The following STPG1 variants were observed in gnomAD, a reference collection of about 807,000 sequenced individuals.
STPG1 encodes O(6)-methylguanine-induced apoptosis 2.
Under a neutral mutation model 40.1 loss-of-function variants are expected in STPG1, and 33 were observed. The ratio of observed to expected loss-of-function variants is 0.82; its 90% CI spans 0.62 to 1.10. The LOEUF (loss-of-function observed/expected upper bound fraction) is 1.10. Among genes scored for constraint, STPG1 ranks in the 50% least tolerant of loss-of-function variants. STPG1 has a pLI of 0.00. For missense variants in STPG1, 396 were observed against 415.1 expected (o/e 0.95, Z 0.40); for synonymous variants, 150 against 155.0 (o/e 0.97, Z 0.24).
chr1:24,392,354 C>A (rs1642808697), intron 2 of STPG1, among the ~76,000 whole-genome samples: 1 of 152,230 alleles, frequency 6.6e-6, no homozygotes, highest in African/African-American at 2.4e-5. Context: ...GTCTGCATAG[C>A]AGGTTGATTA....
At chr1:24,382,257 G>T (rs1183800729) in intron 4 of STPG1, among the ~76,000 whole-genome samples, 1 of 152,210 alleles carries the variant, frequency 6.6e-6, no homozygotes, top group African/African-American at 2.4e-5. Context: ...GCACCAAGAA[G>T]GAATGGGCAG....
intron 1 of STPG1, among the ~76,000 whole-genome samples, chr1:24,408,862 G>A (rs971152059): frequency 6.6e-6 from 1 of 152,102 alleles, no homozygotes; most frequent in African/African-American, 2.4e-5. Context: ...CCTTTTCCAT[G>A]CAGTATTTTT....
Position 24,375,841 on chromosome 1 carries a change from C to A in STPG1, c.463-2031G>T, listed in dbSNP as rs973128510. 3.9e-5 allele frequency among the ~76,000 whole-genome samples: 6 copies of A among 152,158 alleles called. No homozygotes were observed. The South Asian group carries it at 1.2e-3, about 32-fold the overall frequency. On this transcript the variant is annotated intron_variant, in intron 5 of 8. Coordinates refer to ENST00000337248, the MANE Select transcript of STPG1 (RefSeq NM_001199013.2). The stretch of plus-strand genomic sequence containing the variant: ...ATTTTTGTATACGCTGAGTGTGTGT[C>A]GCTGGAAGATTTCCCCATGGGGCCA...
intron 3 of STPG1, 173 bp downstream of exon 3, chr1:24,391,388 C>T (rs1363878257): frequency 4.8e-6 from 2 of 417,942 alleles, no homozygotes; most frequent in Admixed American, 4.3e-5. Context: ...TTTTCAGGCT[C>T]GTTCTTACAG....
At chr1:24,402,767 A>AC (rs1026834727) in intron 1 of STPG1, among the ~76,000 whole-genome samples, 7 of 151,834 alleles carry the variant, frequency 4.6e-5, no homozygotes, top group African/African-American at 1.7e-4. Flanking sequence ...ACAAAAAAAA[A>AC]CAAAAAAACA....
chr1:24,409,116 C>A (rs1426870984), intron 1 of STPG1, among the ~76,000 whole-genome samples: 6 of 152,116 alleles, frequency 3.9e-5, no homozygotes, highest in African/African-American at 1.4e-4. Context: ...TCCTGTAATC[C>A]CAGCACTTTG....
chr1:24,380,972 T>C (rs1642257565), intron 4 of STPG1, among the ~76,000 whole-genome samples: 1 of 152,232 alleles, frequency 6.6e-6, no homozygotes, highest in South Asian at 2.1e-4. Context: ...CTTCATCTTT[T>C]TCATTCTGGC....
At chr1:24,362,454 G>A (rs1376307503) in intron 7 of STPG1, among the ~76,000 whole-genome samples, 1 of 152,186 alleles carries the variant, frequency 6.6e-6, no homozygotes, top group Non-Finnish European at 1.5e-5. Flanking sequence ...CTGGCTGTAA[G>A]ACAAGGCCCC....
chr1:24,374,257 GTT>G (rs1553122570), intron 5 of STPG1, among the ~76,000 whole-genome samples: 2 of 62,122 alleles, frequency 3.2e-5, no homozygotes, highest in Non-Finnish European at 5.7e-5. Context: ...TTTTTTTTTT[GTT>G]TTTTTTTTTT....
intron 7 of STPG1, chr1:24,364,288 G>A: frequency 1.9e-6 from 3 of 1,549,652 alleles, no homozygotes; most frequent in East Asian, 2.5e-5. Flanking sequence ...TTTTGGAGAT[G>A]GATTTTGGAG....
chr1:24,372,784 C>T (rs1384931167), intron 6 of STPG1, among the ~76,000 whole-genome samples: 1 of 152,184 alleles, frequency 6.6e-6, no homozygotes, highest in African/African-American at 2.4e-5. Flanking sequence ...CAGAAGCAAA[C>T]CTTCCCTGCT....
intron 1 of STPG1, among the ~76,000 whole-genome samples, chr1:24,407,564 C>T (rs1371570484): frequency 2.6e-5 from 4 of 151,920 alleles, no homozygotes; most frequent in South Asian, 2.1e-4. Flanking sequence ...GTCAGCCTCC[C>T]GAGTAGCTGG....
In STPG1 at chr1:24,399,054, C is replaced by T. The variant is rs1296074395; in HGVS notation, c.70+2265G>A. ...CTTGTATCAAAATATCATGTGTGCACCATAAATATGTACAACTATTATGTA... is the reference window on the plus strand; with the variant it reads ...CTTGTATCAAAATATCATGTGTGCATCATAAATATGTACAACTATTATGTA... On this transcript the variant is annotated intron_variant, in intron 2 of 8. Coordinates refer to ENST00000337248, the MANE Select transcript of STPG1 (RefSeq NM_001199013.2). The surrounding 1 kb of genome is among the most constrained non-coding windows in gnomAD (Gnocchi z 4.0). Among the ~76,000 whole-genome samples, 1 of 151,130 alleles carries T rather than the reference C, an allele frequency of 6.6e-6. No homozygotes were observed. Among genetic ancestry groups the T allele is most frequent in the Non-Finnish European group, 1.5e-5 (1 of 67,696 alleles).
intron 3 of STPG1, among the ~76,000 whole-genome samples, chr1:24,387,270 A>T (rs1642553080): frequency 6.6e-6 from 1 of 152,182 alleles, no homozygotes; most frequent in Admixed American, 6.5e-5. Context: ...GAGGAAGGAG[A>T]TGTATCACAA....
rs749256269 is a variant in STPG1 at position 24,369,672 on chromosome 1, A to C, written c.737+2T>G. On this transcript the variant is annotated splice_donor_variant, in intron 7 of 8. Transcript: ENST00000337248. LOFTEE classifies it high-confidence loss of function. The stretch of plus-strand genomic sequence containing the variant: ...AGAAAGACCAGAATGATTGGGACTC[A>C]CGGGAAAAGAGTCTTTTTTGGAACT... The C allele has an allele frequency of 1.0e-5, 16 of 1,587,158 alleles. No homozygotes were observed. In the South Asian group the frequency reaches 1.8e-4, roughly 18 times the overall value.
intron 3 of STPG1, among the ~76,000 whole-genome samples, chr1:24,387,373 G>A (rs932864971): frequency 6.6e-6 from 1 of 152,110 alleles, no homozygotes; most frequent in Admixed American, 6.5e-5. Flanking sequence ...GGGTTTGTGG[G>A]GTCTGGAAAG....
At position 24,358,246 on chromosome 1, in the gene STPG1, A is replaced by C. The variant is rs1455939644; in HGVS notation, c.*297T>G. On this transcript the variant is annotated 3_prime_UTR_variant, in exon 9 of 9. Transcript: ENST00000337248. ...GTCTGCGGCAGGGAGTCGTGCCGGA[A>C]GGCAGCCTGGATGGGTGCGTGGGGA... 3.3e-6 allele frequency: 2 copies of C among 614,354 alleles called. No individual in the cohort carries two copies. Among genetic ancestry groups the C allele is most frequent in the Non-Finnish European group, 6.1e-6 (2 of 328,732 alleles). 38.1% of individuals were successfully genotyped at this position (614,354 alleles called of 1,614,324 possible). A position where few individuals can be genotyped will look rare whatever the true frequency, so the allele number is the denominator to read the frequency against.
chr1:24,385,576 T>C (rs1318957042), intron 3 of STPG1, among the ~76,000 whole-genome samples: 1 of 152,214 alleles, frequency 6.6e-6, no homozygotes, highest in Non-Finnish European at 1.5e-5. Context: ...TTCTGAGGAC[T>C]TTACATGTAC....
intron 1 of STPG1, among the ~76,000 whole-genome samples, chr1:24,404,447 A>G (rs11578878): frequency 0.23 from 35,074 of 152,104 alleles, 4,595 homozygotes; most frequent in East Asian, 0.46. Context: ...GCTTCATCAC[A>G]TGAGTTGGAA....
Sources: allele counts gnomAD v4.1 joint callset (sites outside exome capture counted in the v4.1 genomes callset), GRCh38; gene constraint gnomAD v4.1.1; non-coding constraint Gnocchi (gnomAD v3.1); transcripts MANE v1.5; gene names NCBI Gene and HGNC (gene_info 2026-07-23, HGNC 2026-07-21).